TRMT11: variants seen among roughly 807,000 people sequenced by gnomAD.
TRMT11 encodes tRNA methyltransferase 11.
Under a neutral mutation model 62.8 loss-of-function variants are expected in TRMT11, and 53 were observed. The ratio of observed to expected loss-of-function variants is 0.84; its 90% CI spans 0.68 to 1.06. The LOEUF (loss-of-function observed/expected upper bound fraction) is 1.06. Ranked by LOEUF, TRMT11 falls within the 50% of genes least tolerant of loss-of-function variation. The probability of loss-of-function intolerance (pLI) is 0.00; values close to 1 mark genes in which losing one functional copy is unlikely to be tolerated. For synonymous variants in TRMT11, 188 were observed against 190.3 expected, an observed-to-expected ratio of 0.99 and a Z score of 0.10; for missense variants, 556 against 553.4, an observed-to-expected ratio of 1.00 and a Z score of -0.05.
rs139168521 is a variant in TRMT11, at chr6:126,016,847, A to G, written c.1139+3746A>G. Among the ~76,000 whole-genome samples, 30 of 152,176 alleles carry G rather than the reference A, an allele frequency of 2.0e-4. 1 individual carries two copies. The East Asian group carries it at 5.6e-3, about 28-fold the overall frequency. On this transcript the variant is annotated intron_variant, in intron 11 of 12. Coordinates refer to ENST00000334379, the MANE Select transcript of TRMT11 (RefSeq NM_001031712.3). ...GTTATTTTCAGATCCCCTGATGTTC[A>G]TTATTAGACCTCAATTGTGTCTTCT...
intron 17 of TRMT11, among the ~76,000 whole-genome samples, chr6:126,112,363 A>G (rs1777541616): frequency 6.6e-6 from 1 of 152,140 alleles, no homozygotes; most frequent in Non-Finnish European, 1.5e-5. Context: ...GGTTACATCA[A>G]CTGTTTGGAT....
chr6:126,008,315 A>G, intron 7 of TRMT11, 77 bp from the exon 8 acceptor site: 1 of 1,189,478 alleles, frequency 8.4e-7, no homozygotes, highest in Non-Finnish European at 1.3e-6. Context: ...AGTTTCTAAG[A>G]CTGGATGAAG....
intron 16 of TRMT11, among the ~76,000 whole-genome samples, chr6:126,047,327 G>C (rs1416659055): frequency 6.6e-6 from 1 of 151,254 alleles, no homozygotes; most frequent in Non-Finnish European, 1.5e-5. Context: ...AAGCAGAAGA[G>C]TGGCAGAGAA....
chr6:125,992,010 A>G (rs1790711745), intron 1 of TRMT11, among the ~76,000 whole-genome samples: 1 of 152,266 alleles, frequency 6.6e-6, no homozygotes, highest in Non-Finnish European at 1.5e-5. Context: ...CCAATGTTCA[A>G]TATAAATTAT....
At chr6:125,999,266 A>G (rs962538730) in intron 6 of TRMT11, among the ~76,000 whole-genome samples, 191 bp from the exon 7 acceptor site, 2 of 152,228 alleles carry the variant, frequency 1.3e-5, no homozygotes, top group African/African-American at 4.8e-5. Context: ...GAAAAAGTAA[A>G]TGGAATGACA....
At chr6:126,007,679 G>A (rs1793562187) in intron 7 of TRMT11, among the ~76,000 whole-genome samples, 1 of 151,862 alleles carries the variant, frequency 6.6e-6, no homozygotes, top group Admixed American at 6.6e-5. Flanking sequence ...TCATGCATGA[G>A]CTGGTCACAT....
downstream of TRMT11, among the ~76,000 whole-genome samples, chr6:126,207,006 T>TA (rs1357367032): frequency 1.3e-5 from 2 of 152,238 alleles, no homozygotes; most frequent in African/African-American, 4.8e-5. Flanking sequence ...AGTTAACTCT[T>TA]ACATTCATGA....
In TRMT11 at chr6:126,078,148, C is replaced by T. The variant is rs144654229; in HGVS notation, c.*1437+24958C>T. The stretch of plus-strand genomic sequence containing the variant: ...CCATCCATTCTTATAAAAGAGACCT[C>T]TGAAAGCTAAGAGTCACTTTCCTGA... On this transcript the variant is annotated intron_variant and NMD_transcript_variant, in intron 17 of 22. Transcript: ENST00000648977. Among the ~76,000 whole-genome samples the T allele has an allele frequency of 5.1e-3, 783 of 152,262 alleles. 6 individuals are homozygous for T. Among genetic ancestry groups the T allele is most frequent in the African/African-American group, 0.018 (750 of 41,560 alleles).
At chr6:125,999,725 T>C (rs917298105) in intron 7 of TRMT11, 112 bp downstream of exon 7, 2 of 950,502 alleles carry the variant, frequency 2.1e-6, no homozygotes, top group Non-Finnish European at 1.6e-6. Flanking sequence ...TAATTGTGTT[T>C]GGATAGTGGC....
At chr6:126,084,843 A>G (rs1208059632) in intron 17 of TRMT11, among the ~76,000 whole-genome samples, 1 of 152,196 alleles carries the variant, frequency 6.6e-6, no homozygotes. Flanking sequence ...ACACAGAAAG[A>G]CAAACATTGC....
chr6:126,058,307 A>G (rs1776429375), intron 17 of TRMT11, among the ~76,000 whole-genome samples: 1 of 152,182 alleles, frequency 6.6e-6, no homozygotes, highest in African/African-American at 2.4e-5. Context: ...ATGGCTGCAT[A>G]GTATTCCATG....
chr6:126,178,166 T>A (rs767271420), intron 1 of TRMT11, among the ~76,000 whole-genome samples: 12 of 152,242 alleles, frequency 7.9e-5, no homozygotes, highest in Non-Finnish European at 1.5e-4. Context: ...TATTATAGTT[T>A]CTTTAAAGTT....
intron 17 of TRMT11, among the ~76,000 whole-genome samples, chr6:126,067,956 G>A (rs143114825): frequency 3.2e-4 from 48 of 152,100 alleles, no homozygotes; most frequent in African/African-American, 9.9e-4. Flanking sequence ...TACAATTCAC[G>A]CATTTAAAAT....
At chr6:126,012,626 A>T in intron 9 of TRMT11, 145 bp from the exon 10 acceptor site, 1 of 597,966 alleles carries the variant, frequency 1.7e-6, no homozygotes, top group Non-Finnish European at 3.0e-6. Flanking sequence ...CCAAGTCTTT[A>T]TGTTGTACAT....
At chr6:126,013,991 A>C (rs1794639146) in intron 11 of TRMT11, among the ~76,000 whole-genome samples, 2 of 152,220 alleles carry the variant, frequency 1.3e-5, no homozygotes, top group South Asian at 4.1e-4. Flanking sequence ...ACAATAAATC[A>C]AAAGCTAAGA....
At chr6:126,065,620 T>C (rs1776667316) in intron 17 of TRMT11, among the ~76,000 whole-genome samples, 1 of 152,200 alleles carries the variant, frequency 6.6e-6, no homozygotes, top group South Asian at 2.1e-4. Flanking sequence ...AATTGTGAAA[T>C]GGGAATAATA....
In TRMT11 at chr6:126,094,645, G is replaced by A. The variant is rs190635512; in HGVS notation, c.*1438-18221G>A. Among the ~76,000 whole-genome samples, 67 of 152,298 alleles carry A rather than the reference G, an allele frequency of 4.4e-4. 2 individuals are homozygous for A. In the South Asian group the frequency reaches 7.5e-3, roughly 17 times the overall value. ...GGGCATAGAGAATGCCAAGGATTTC[G>A]TCTAGGCCTGGCCTGAGTTTGAATG... On this transcript the variant is annotated intron_variant and NMD_transcript_variant, in intron 17 of 22. Transcript: ENST00000648977.
chr6:126,014,385 G>T (rs183226310), intron 11 of TRMT11, among the ~76,000 whole-genome samples: 1 of 152,060 alleles, frequency 6.6e-6, no homozygotes, highest in Non-Finnish European at 1.5e-5. Flanking sequence ...CGAGTAGCTG[G>T]GATTACAGGT....
Position 126,008,413 on chromosome 6 carries a change from C to T in TRMT11, c.701C>T (p.Ala234Val). The T allele has an allele frequency of 6.2e-7, 1 of 1,613,086 alleles. No individual in the cohort carries two copies. The highest frequency in any genetic ancestry group is 8.5e-7 in the Non-Finnish European group (1 of 1,179,234). ...TCAGGTGGCCTGCTGATAGCATGTGCTCATTTTGGTGCATATGTGTATGGG... is the reference window on the plus strand; with the variant it reads ...TCAGGTGGCCTGCTGATAGCATGTGTTCATTTTGGTGCATATGTGTATGGG... ...VGTGGLLIAC[A>V]HFGAYVYGTD... Residue 234 changes from alanine (A) to valine (V), a missense_variant, in exon 8 of 13, where the codon GCT becomes GTT. Transcript: ENST00000334379.
Sources: gnomAD v4.1 joint callset for allele counts (sites outside exome capture counted in the v4.1 genomes callset) on GRCh38, gnomAD v4.1.1 for gene constraint, MANE v1.5 for transcripts, NCBI Gene and HGNC (gene_info 2026-07-23, HGNC 2026-07-21) for gene names.